Variants in PLAAT3 observed in about 807,000 individuals in gnomAD.
PLAAT3 encodes phospholipase A and acyltransferase 3.
A neutral mutation model predicts 16.7 loss-of-function variants in PLAAT3; 21 were observed. The ratio of observed to expected loss-of-function variants is 1.26; its 90% confidence interval spans 0.89 to 1.81. The LOEUF (loss-of-function observed/expected upper bound fraction) is 1.81, where lower values mean the gene tolerates loss of function less well. PLAAT3 is among the 40% of genes most tolerant of loss of function. The pLI is 0.00. For missense variants in PLAAT3, 219 were observed against 213.7 expected (o/e 1.02, Z -0.16); for synonymous variants, 76 against 81.7 (o/e 0.93, Z 0.38).
intron 4 of PLAAT3, among the ~76,000 whole-genome samples, chr11:63,585,140 T>C (rs1217926881): frequency 6.6e-6 from 1 of 151,726 alleles, no homozygotes; most frequent in Non-Finnish European, 1.5e-5. Flanking sequence ...CAATTCTGCC[T>C]CAGCCTCCCG....
chr11:63,579,057 G>A (rs1937710986), intron 4 of PLAAT3, among the ~76,000 whole-genome samples: 1 of 152,130 alleles, frequency 6.6e-6, no homozygotes, highest in Admixed American at 6.6e-5. Context: ...TCAAAAAGTG[G>A]GCGAAGGATA....
chr11:63,614,629 C>T (rs147354386), upstream of PLAAT3, among the ~76,000 whole-genome samples: 411 of 152,286 alleles, frequency 2.7e-3, 4 homozygotes, highest in African/African-American at 9.7e-3. Flanking sequence ...CACTCGACCT[C>T]TGCACACACA....
chr11:63,595,317 G>T (rs1938262869), intron 3 of PLAAT3, among the ~76,000 whole-genome samples: 1 of 149,360 alleles, frequency 6.7e-6, no homozygotes, highest in African/African-American at 2.5e-5. Flanking sequence ...AAAAAAGAGT[G>T]TCTATAACAG....
intron 2 of PLAAT3, among the ~76,000 whole-genome samples, chr11:63,605,115 C>T (rs1365905138): frequency 6.6e-6 from 1 of 152,096 alleles, no homozygotes; most frequent in Admixed American, 6.6e-5. Flanking sequence ...AAATTGAGGC[C>T]GGGCGCAGTG....
chr11:63,608,757 T>A (rs1425644512), intron 2 of PLAAT3, among the ~76,000 whole-genome samples: 2 of 152,224 alleles, frequency 1.3e-5, no homozygotes, highest in African/African-American at 2.4e-5. Flanking sequence ...GTGCTCTGTT[T>A]TTAAATCAAG....
chr11:63,581,776 G>A (rs1307114819), intron 4 of PLAAT3, among the ~76,000 whole-genome samples: 1 of 152,132 alleles, frequency 6.6e-6, no homozygotes, highest in Non-Finnish European at 1.5e-5. Context: ...CACCCCTGGA[G>A]GCCCAGCTGT....
intron 4 of PLAAT3, among the ~76,000 whole-genome samples, chr11:63,580,737 AAGAC>A (rs1321303538): frequency 1.3e-5 from 2 of 152,258 alleles, no homozygotes; most frequent in African/African-American, 2.4e-5. Flanking sequence ...TAAAAGGTAG[AAGAC>A]AGACAGAAGA....
rs116284176 is a variant in PLAAT3 at position 63,589,096 on chromosome 11, A to T, written c.387+1004T>A. ...CTAAGAATAAACATGCTCTTATTTA[A>T]TTCACAAGGTAATCCTCCAAGATGA... On this transcript the variant is annotated intron_variant, in intron 4 of 4. Coordinates refer to ENST00000415826, the MANE Select transcript of PLAAT3 (RefSeq NM_001128203.2). 5.7e-3 allele frequency among the ~76,000 whole-genome samples: 865 copies of T among 152,122 alleles called. 9 individuals are homozygous for T. Among genetic ancestry groups the T allele is most frequent in the African/African-American group, 0.02 (826 of 41,518 alleles).
At chr11:63,607,597 T>G (rs975655623) in intron 2 of PLAAT3, among the ~76,000 whole-genome samples, 5 of 152,110 alleles carry the variant, frequency 3.3e-5, no homozygotes, top group Non-Finnish European at 7.3e-5. Flanking sequence ...CCTGAGATTT[T>G]TGTTTCGGTC....
chr11:63,603,339 GCAA>G (rs1425001542), intron 2 of PLAAT3, among the ~76,000 whole-genome samples: 5 of 152,182 alleles, frequency 3.3e-5, no homozygotes, highest in East Asian at 1.9e-4. Context: ...CACAGCTCAC[GCAA>G]CAACAATGGC....
intron 3 of PLAAT3, among the ~76,000 whole-genome samples, chr11:63,596,038 G>A (rs1042110802): frequency 7.9e-5 from 12 of 151,872 alleles, no homozygotes; most frequent in Middle Eastern, 3.4e-3. Context: ...TCAGGAGATC[G>A]AGACCATCCT....
upstream of PLAAT3, among the ~76,000 whole-genome samples, chr11:63,615,042 GTATATATA>G (rs1303739286): frequency 5.7e-4 from 6 of 10,608 alleles, 1 homozygote; most frequent in African/African-American, 6.8e-4. Context: ...GTATATATAT[GTATATATA>G]TGTGTATATA....
At chr11:63,586,173 GCCCAGGCTGGAGTA>G (rs1937971711) in intron 4 of PLAAT3, among the ~76,000 whole-genome samples, 1 of 152,070 alleles carries the variant, frequency 6.6e-6, no homozygotes, top group South Asian at 2.1e-4. Flanking sequence ...TCGCTCTGTT[GCCCAGGCTGGAGTA>G]CACTGGCGCA....
chr11:63,593,159 T>C (rs1430971024), intron 3 of PLAAT3, among the ~76,000 whole-genome samples: 1 of 152,206 alleles, frequency 6.6e-6, no homozygotes, highest in East Asian at 1.9e-4. Context: ...ACAGCAGGCC[T>C]GCCCTCAAGC....
chr11:63,590,008 G>C, intron 4 of PLAAT3, 92 bp downstream of exon 4: 1 of 1,136,106 alleles, frequency 8.8e-7, no homozygotes, highest in Non-Finnish European at 1.3e-6. Flanking sequence ...CTGCTATTTT[G>C]TCTTGTTCAT....
At chr11:63,615,086 A>ATGTGTATATATG (rs1166096373), upstream of PLAAT3, among the ~76,000 whole-genome samples, 11,752 of 20,102 alleles carry the variant, frequency 0.58, 4,542 homozygotes, top group East Asian at 0.81. Flanking sequence ...GTGTGTATAT[A>ATGTGTATATATG]TGTGTATATA....
At chr11:63,576,438 A>C (rs2134387564) in intron 4 of PLAAT3, among the ~76,000 whole-genome samples, 1 of 152,334 alleles carries the variant, frequency 6.6e-6, no homozygotes, top group African/African-American at 2.4e-5. Context: ...AACCCAGCCA[A>C]CATGCGAAAC....
chr11:63,588,977 CAAAAAAAA>C (rs58090843), intron 4 of PLAAT3, among the ~76,000 whole-genome samples: 54 of 46,904 alleles, frequency 1.2e-3, no homozygotes, highest in African/African-American at 2.8e-3. Flanking sequence ...ATGAGCCAAG[CAAAAAAAA>C]AAAAAAAAAA....
At chr11:63,601,747 G>A (rs1938436396) in intron 2 of PLAAT3, among the ~76,000 whole-genome samples, 1 of 151,914 alleles carries the variant, frequency 6.6e-6, no homozygotes, top group African/African-American at 2.4e-5. Context: ...AGGCCAAGGT[G>A]GGCGGATCAC....
Sources: gnomAD v4.1 joint callset for allele counts (sites outside exome capture counted in the v4.1 genomes callset) on GRCh38, gnomAD v4.1.1 for gene constraint, MANE v1.5 for transcripts, NCBI Gene and HGNC (gene_info 2026-07-23, HGNC 2026-07-21) for gene names.